The following NECTIN3 variants were observed in gnomAD, a reference collection of about 807,000 sequenced individuals.
The protein encoded by NECTIN3 is nectin cell adhesion molecule 3.
A neutral mutation model predicts 49.4 loss-of-function variants in NECTIN3; 8 were observed. The ratio of observed to expected loss-of-function variants is 0.16; its 90% CI spans 0.10 to 0.29. The LOEUF (loss-of-function observed/expected upper bound fraction) is 0.29. NECTIN3 is among the 10% of genes least tolerant of loss of function. The probability of loss-of-function intolerance (pLI) is 1.00; values close to 1 mark genes in which losing one functional copy is unlikely to be tolerated. For missense variants in NECTIN3, 581 were observed against 654.6 expected (o/e 0.89, Z 1.23); for synonymous variants, 277 against 241.1 (o/e 1.15, Z -1.38).
intron 7 of NECTIN3, among the ~76,000 whole-genome samples, chr3:111,178,401 A>ACT (rs149972686): frequency 0.013 from 2,039 of 152,206 alleles, 50 homozygotes; most frequent in African/African-American, 0.047. Flanking sequence ...GCACTATATC[A>ACT]CTCTGAGTAT....
chr3:111,133,999 G>A lies in NECTIN3; in HGVS notation c.1434G>A (p.Val478=). 1 of 1,612,944 alleles carries A rather than the reference G, an allele frequency of 6.2e-7. No individual in the cohort carries two copies. The highest frequency in any genetic ancestry group is 8.5e-7 in the Non-Finnish European group (1 of 1,179,570). The change falls in exon 6 of 6, where the codon GTG becomes GTA. Residue 478 remains valine, a synonymous_variant. Coordinates refer to ENST00000485303, the MANE Select transcript of NECTIN3 (RefSeq NM_015480.3). The part of the protein sequence containing the change: ...DSVKKENKNP[V]NNLIRKDYLE... The stretch of plus-strand genomic sequence containing the variant: ...TAAAAAAAGAAAACAAAAATCCAGT[G>A]AACAATCTAATACGTAAAGACTATT...
At chr3:111,132,754 C>A (rs1020023137) in intron 5 of NECTIN3, among the ~76,000 whole-genome samples, 2 of 151,750 alleles carry the variant, frequency 1.3e-5, no homozygotes, top group Admixed American at 6.6e-5. Context: ...ATTAGCTGTT[C>A]TTTTTGAGAC....
intron 7 of NECTIN3, among the ~76,000 whole-genome samples, chr3:111,164,599 T>TG (rs1276884348): frequency 1.3e-5 from 2 of 152,210 alleles, no homozygotes; most frequent in African/African-American, 2.4e-5. Flanking sequence ...TCCAAGGTCC[T>TG]GGGGGGAAAT....
In NECTIN3 at chr3:111,136,327, A is replaced by G. The variant is rs1373069521; in HGVS notation, c.*2112A>G. On this transcript the variant is annotated 3_prime_UTR_variant, in exon 6 of 6. Coordinates refer to ENST00000485303, the MANE Select transcript of NECTIN3 (RefSeq NM_015480.3). ...ATACTGATTATGAACTTCCTTTTAC[A>G]TTGTGGTTATTTGTGCGATTAGGTT... 3 of 984,104 alleles carry G rather than the reference A, an allele frequency of 3.0e-6. No individual in the cohort carries two copies. The highest frequency in any genetic ancestry group is 2.4e-6 in the Non-Finnish European group (2 of 829,030). 61.0% of individuals were successfully genotyped at this position (984,104 alleles called of 1,614,324 possible). A position where few individuals can be genotyped will look rare whatever the true frequency, so the allele number is the denominator to read the frequency against.
At chr3:111,183,340 T>G (rs1356698484) in intron 7 of NECTIN3, among the ~76,000 whole-genome samples, 1 of 151,950 alleles carries the variant, frequency 6.6e-6, no homozygotes, top group Admixed American at 6.6e-5. Context: ...AAACAAAGTT[T>G]CATTCTTGTT....
At chr3:111,081,861 C>T (rs1241585055) in intron 1 of NECTIN3, among the ~76,000 whole-genome samples, 1 of 152,152 alleles carries the variant, frequency 6.6e-6, no homozygotes, top group Non-Finnish European at 1.5e-5. Context: ...TTTTTAAATA[C>T]TTTGCTGAGG....
chr3:111,100,379 T>C (rs1448727417), intron 1 of NECTIN3, among the ~76,000 whole-genome samples: 1 of 152,170 alleles, frequency 6.6e-6, no homozygotes, highest in East Asian at 1.9e-4. Context: ...TGTTCTCTGA[T>C]GGTTCAGTGC....
chr3:111,091,467 T>C (rs1446964573), intron 1 of NECTIN3, among the ~76,000 whole-genome samples: 3 of 152,132 alleles, frequency 2.0e-5, no homozygotes, highest in African/African-American at 7.2e-5. Context: ...TTAGCCTGGA[T>C]GGTCTCAATC....
At chr3:111,121,922 G>T (rs1458953750) in intron 3 of NECTIN3, among the ~76,000 whole-genome samples, 199 bp from the exon 4 acceptor site, 1 of 152,016 alleles carries the variant, frequency 6.6e-6, no homozygotes, top group Non-Finnish European at 1.5e-5. Context: ...TGTTTGGGGG[G>T]TACTCATTCT....
intron 2 of NECTIN3, among the ~76,000 whole-genome samples, chr3:111,115,224 G>A (rs1235192918): frequency 2.6e-5 from 4 of 152,174 alleles, no homozygotes; most frequent in Non-Finnish European, 4.4e-5. Context: ...CCCCTGTTGA[G>A]AGCCCTGCAT....
At position 111,072,136 on chromosome 3, in the gene NECTIN3, TGCTGCTGCTCTTCCC is replaced by T; in HGVS notation, c.133_147del (p.Pro45_Phe49del). ...CAGCCCCCGACGCCACCTCCGCTGC[TGCTGCTGCTCTTCCC>T]GCTGCTGCTCTTCTCCAGGCTCTGT... On this transcript the variant is annotated inframe_deletion, in exon 1 of 6. Coordinates refer to ENST00000485303, the MANE Select transcript of NECTIN3 (RefSeq NM_015480.3). The T allele has an allele frequency of 3.9e-6, 6 of 1,550,584 alleles. No homozygotes were observed. Among genetic ancestry groups the T allele is most frequent in the Non-Finnish European group, 5.2e-6 (6 of 1,146,860 alleles).
intron 7 of NECTIN3, among the ~76,000 whole-genome samples, chr3:111,181,235 C>T (rs750059601): frequency 2.0e-5 from 3 of 152,132 alleles, no homozygotes; most frequent in East Asian, 1.9e-4. Flanking sequence ...TGCTCTTTTG[C>T]GTCCAATTTC....
chr3:111,148,233 T>G (rs975382849), intron 7 of NECTIN3, among the ~76,000 whole-genome samples: 1 of 152,190 alleles, frequency 6.6e-6, no homozygotes, highest in Non-Finnish European at 1.5e-5. Context: ...AGCCCATCAA[T>G]TCATTGATTT....
intron 7 of NECTIN3, among the ~76,000 whole-genome samples, chr3:111,151,919 CT>C (rs2035007430): frequency 1.3e-5 from 2 of 151,606 alleles, no homozygotes; most frequent in Admixed American, 1.3e-4. Flanking sequence ...TAATTTATGT[CT>C]TGGCACTGTT....
At chr3:111,138,023 T>C (rs2034642739), downstream of NECTIN3, among the ~76,000 whole-genome samples, 1 of 151,614 alleles carries the variant, frequency 6.6e-6, no homozygotes, top group Non-Finnish European at 1.5e-5. Flanking sequence ...TTAAAACCCA[T>C]TTTATATGTT....
chr3:111,102,124 T>TAG lies in NECTIN3; in HGVS notation c.161-9905_161-9904insGA, dbSNP rs529360445. 1.2e-4 allele frequency among the ~76,000 whole-genome samples: 18 copies of TAG among 152,292 alleles called. No individual in the cohort carries two copies. The South Asian group carries it at 3.3e-3, about 28-fold the overall frequency. On this transcript the variant is annotated intron_variant, in intron 1 of 5. Coordinates refer to ENST00000485303, the MANE Select transcript of NECTIN3 (RefSeq NM_015480.3). ...ATATGGAAAATAAATTACCTGCACC[T>TAG]AACAGGGTGATTTTTTAGGAGCAAG...
chr3:111,097,618 C>T (rs755567445), intron 1 of NECTIN3, among the ~76,000 whole-genome samples: 2 of 152,094 alleles, frequency 1.3e-5, no homozygotes, highest in Non-Finnish European at 2.9e-5. Flanking sequence ...CTGTGCTGTT[C>T]TTGTGTTAGT....
chr3:111,141,783 C>A (rs2034752137), downstream of NECTIN3, among the ~76,000 whole-genome samples: 1 of 151,932 alleles, frequency 6.6e-6, no homozygotes, highest in Non-Finnish European at 1.5e-5. Context: ...GTCTTGTTTT[C>A]TGCCTCTTGT....
chr3:111,126,817 A>G (rs1369644822), intron 5 of NECTIN3, among the ~76,000 whole-genome samples: 1 of 152,156 alleles, frequency 6.6e-6, no homozygotes, highest in African/African-American at 2.4e-5. Context: ...GAGAGGTGAA[A>G]TAGGAATGCT....
Sources: allele counts gnomAD v4.1 joint callset (sites outside exome capture counted in the v4.1 genomes callset), GRCh38; gene constraint gnomAD v4.1.1; transcripts MANE v1.5; gene names NCBI Gene and HGNC (gene_info 2026-07-23, HGNC 2026-07-21).